Variants in DACH1 observed in about 807,000 individuals in gnomAD.
DACH1 encodes dachshund homolog 1.
A neutral mutation model predicts 54.2 loss-of-function variants in DACH1; 12 were observed. The observed-to-expected ratio is 0.22, with a 90% confidence interval of 0.14 to 0.36. The LOEUF is 0.36. Among genes scored for constraint, DACH1 ranks in the 10% least tolerant of loss-of-function variants. The pLI is 1.00. For synonymous variants in DACH1, 386 were observed against 366.2 expected (o/e 1.05, Z -0.62); for missense variants, 805 against 929.8 (o/e 0.87, Z 1.75).
At chr13:71,779,213 A>C in intron 1 of DACH1, among the ~76,000 whole-genome samples, 1 of 111,912 alleles carries the variant, frequency 8.9e-6, no homozygotes, top group East Asian at 2.3e-4. Flanking sequence ...ATGTGTATAT[A>C]TATACGTATA....
In DACH1 at chr13:71,707,241, T is replaced by G. The variant is rs146832612; in HGVS notation, c.849-25331A>C. Among the ~76,000 whole-genome samples, 63 of 152,356 alleles carry G rather than the reference T, an allele frequency of 4.1e-4. 1 individual carries two copies. In the East Asian group the frequency reaches 8.9e-3, roughly 21 times the overall value. Reference sequence around the variant, plus strand: ...GTGAACTACATGCTATGGGAGCATTTCTTGAGGAAGTCTCAGCAGGGCATG... The same window carrying G: ...GTGAACTACATGCTATGGGAGCATTGCTTGAGGAAGTCTCAGCAGGGCATG... On this transcript the variant is annotated intron_variant, in intron 1 of 10. Transcript: ENST00000613252.
chr13:71,843,559 C>T (rs903197314), intron 1 of DACH1, among the ~76,000 whole-genome samples: 1 of 152,094 alleles, frequency 6.6e-6, no homozygotes, highest in African/African-American at 2.4e-5. Flanking sequence ...GCCACTGTGC[C>T]CAATCATGAA....
chr13:71,818,803 G>GT (rs1394692017), intron 1 of DACH1, among the ~76,000 whole-genome samples: 9 of 152,332 alleles, frequency 5.9e-5, no homozygotes, highest in African/African-American at 2.2e-4. Context: ...AAGAAGCTTA[G>GT]TTTTGACTTG....
At chr13:71,514,740 A>G (rs1339979338) in intron 6 of DACH1, among the ~76,000 whole-genome samples, 2 of 151,846 alleles carry the variant, frequency 1.3e-5, no homozygotes, top group African/African-American at 4.8e-5. Flanking sequence ...TTGTCTCTAA[A>G]AAAATTCTTG....
chr13:71,828,610 T>G (rs1394743128), intron 1 of DACH1, among the ~76,000 whole-genome samples: 1 of 152,032 alleles, frequency 6.6e-6, no homozygotes, highest in Non-Finnish European at 1.5e-5. Context: ...AAGCAAATCA[T>G]TTTAATAAGA....
At chr13:71,646,934 T>C (rs1878315036) in intron 2 of DACH1, among the ~76,000 whole-genome samples, 1 of 152,206 alleles carries the variant, frequency 6.6e-6, no homozygotes, top group Admixed American at 6.5e-5. Flanking sequence ...TATTTACCAA[T>C]ACTCAGGTGT....
chr13:71,531,247 A>G (rs1246785425), intron 6 of DACH1, among the ~76,000 whole-genome samples: 1 of 152,066 alleles, frequency 6.6e-6, no homozygotes, highest in Non-Finnish European at 1.5e-5. Flanking sequence ...GTCTTATTAA[A>G]TTATTTATAT....
At chr13:71,540,710 C>T (rs1052205862) in intron 6 of DACH1, among the ~76,000 whole-genome samples, 1 of 152,136 alleles carries the variant, frequency 6.6e-6, no homozygotes, top group Non-Finnish European at 1.5e-5. Flanking sequence ...GAGCTCTGAA[C>T]ATTACAGCAA....
At chr13:71,468,340 T>C (rs1470875519) in intron 10 of DACH1, among the ~76,000 whole-genome samples, 1 of 152,180 alleles carries the variant, frequency 6.6e-6, no homozygotes, top group Non-Finnish European at 1.5e-5. Context: ...TTATTTAATC[T>C]TCACAATGAC....
chr13:71,635,188 T>C (rs1466946781), intron 2 of DACH1, among the ~76,000 whole-genome samples: 3 of 152,194 alleles, frequency 2.0e-5, no homozygotes, highest in Non-Finnish European at 2.9e-5. Flanking sequence ...AAAACATTAT[T>C]GTTATGTTAC....
At chr13:71,476,907 G>A (rs1877568671) in intron 8 of DACH1, among the ~76,000 whole-genome samples, 1 of 151,118 alleles carries the variant, frequency 6.6e-6, no homozygotes, top group Non-Finnish European at 1.5e-5. Flanking sequence ...CTCAGTATGA[G>A]AAAATGCTTC....
intron 1 of DACH1, among the ~76,000 whole-genome samples, chr13:71,760,665 A>G (rs1885367089): frequency 6.6e-6 from 1 of 152,222 alleles, no homozygotes; most frequent in South Asian, 2.1e-4. Context: ...AGATACTGGC[A>G]TATTTATGAA....
intron 10 of DACH1, among the ~76,000 whole-genome samples, chr13:71,467,449 G>C (rs1450199969): frequency 6.7e-6 from 1 of 150,334 alleles, no homozygotes; most frequent in African/African-American, 2.4e-5. Flanking sequence ...GTATACATAT[G>C]TAACTAACCT....
intron 6 of DACH1, among the ~76,000 whole-genome samples, chr13:71,523,112 A>G (rs1010693149): frequency 7.9e-5 from 12 of 152,116 alleles, no homozygotes; most frequent in African/African-American, 2.9e-4. Context: ...GCTTCTGCCA[A>G]CAGCAGATGT....
Position 71,840,702 on chromosome 13 carries a change from TAA to T in DACH1, c.848+25218_848+25219del. Among the ~76,000 whole-genome samples the T allele has an allele frequency of 2.0e-5, 3 of 152,310 alleles. No homozygotes were observed. In the East Asian group the frequency reaches 5.8e-4, roughly 29 times the overall value. On this transcript the variant is annotated intron_variant, in intron 1 of 10. Coordinates refer to ENST00000613252, the MANE Select transcript of DACH1 (RefSeq NM_080759.6). Reference sequence around the variant, plus strand: ...AGAATAACGAAAATTGCAAAATGAATAAGAGAAGTGATAAAATAAAAATAGAG... The same window carrying T: ...AGAATAACGAAAATTGCAAAATGAATGAGAAGTGATAAAATAAAAATAGAG...
At position 71,438,824 on chromosome 13, in the gene DACH1, G is replaced by A. The variant is rs1186313117; in HGVS notation, c.*1831C>T. 6.6e-6 allele frequency: 1 copy of A among 152,398 alleles called. No individual in the cohort carries two copies. Among genetic ancestry groups the A allele is most frequent in the African/African-American group, 2.4e-5 (1 of 41,414 alleles). 9.4% of individuals were successfully genotyped at this position (152,398 alleles called of 1,614,324 possible). On this transcript the variant is annotated 3_prime_UTR_variant, in exon 11 of 11. Coordinates refer to ENST00000613252, the MANE Select transcript of DACH1 (RefSeq NM_080759.6). ...GCTCAAACAACAAAAGGTGGTTATG[G>A]AAGAACTATGCTTAGAAAACCAAGT... is the stretch of plus-strand genomic sequence containing the variant.
intron 1 of DACH1, among the ~76,000 whole-genome samples, chr13:71,732,353 G>A (rs962736952): frequency 2.6e-5 from 4 of 152,034 alleles, no homozygotes; most frequent in African/African-American, 7.2e-5. Flanking sequence ...GGGAGGCCGA[G>A]GCGGATGAAT....
At chr13:71,776,959 C>G (rs1181949861) in intron 1 of DACH1, among the ~76,000 whole-genome samples, 1 of 152,124 alleles carries the variant, frequency 6.6e-6, no homozygotes, top group African/African-American at 2.4e-5. Context: ...CTCTTGACCT[C>G]CAATGCAAAC....
chr13:71,478,605 A>C (rs2138180983), intron 8 of DACH1, among the ~76,000 whole-genome samples: 1 of 152,272 alleles, frequency 6.6e-6, no homozygotes, highest in East Asian at 1.9e-4. Flanking sequence ...CAATAATATT[A>C]TTTTATCCAA....
Sources: gnomAD v4.1 joint callset for allele counts (sites outside exome capture counted in the v4.1 genomes callset) on GRCh38, gnomAD v4.1.1 for gene constraint, MANE v1.5 for transcripts, NCBI Gene and HGNC (gene_info 2026-07-23, HGNC 2026-07-21) for gene names.